Variants in IKZF1 observed in about 807,000 individuals in gnomAD.
IKZF1 encodes the protein DNA-binding protein Ikaros.
Under a neutral mutation model 51.7 loss-of-function variants are expected in IKZF1, and 10 were observed. The ratio of observed to expected loss-of-function variants is 0.19; its 90% CI spans 0.12 to 0.33. IKZF1 has a LOEUF of 0.33. IKZF1 is among the 10% of genes least tolerant of loss of function. The probability of loss-of-function intolerance (pLI) is 1.00; values close to 1 mark genes in which losing one functional copy is unlikely to be tolerated. For synonymous variants in IKZF1, 280 were observed against 282.3 expected (o/e 0.99, Z 0.08); for missense variants, 484 against 707.5 (o/e 0.68, Z 3.58).
chr7:50,374,810 A>C (rs1809754314), intron 3 of IKZF1, among the ~76,000 whole-genome samples: 2 of 152,222 alleles, frequency 1.3e-5, no homozygotes. Context: ...TAAATAGTGC[A>C]GCTAAGATTC....
intron 3 of IKZF1, among the ~76,000 whole-genome samples, chr7:50,370,165 T>G (rs1341057992): frequency 6.6e-6 from 1 of 152,214 alleles, no homozygotes; most frequent in Non-Finnish European, 1.5e-5. Context: ...CATTTCAAGC[T>G]TACATGGCCT....
At position 50,382,498 on chromosome 7, in the gene IKZF1, C is replaced by A. The variant is rs772748721; in HGVS notation, c.422-42C>A. ...TCGTAGCATCGTCCTCATGTCCCCA[C>A]GCTGAGTTTAGTTCTCACCAGCTCT... On this transcript the variant is annotated intron_variant, in intron 4 of 7. Transcript: ENST00000331340. The A allele has an allele frequency of 4.4e-6, 7 of 1,581,998 alleles. No homozygotes were observed. In the East Asian group the frequency reaches 1.4e-4, roughly 31 times the overall value.
At chr7:50,380,749 A>G (rs1811618414) in intron 4 of IKZF1, among the ~76,000 whole-genome samples, 2 of 152,182 alleles carry the variant, frequency 1.3e-5, no homozygotes, top group Non-Finnish European at 2.9e-5. Flanking sequence ...AGTTAAATGC[A>G]CACATTTATG....
chr7:50,395,462 T>C (rs1452821747), intron 7 of IKZF1, among the ~76,000 whole-genome samples: 1 of 152,216 alleles, frequency 6.6e-6, no homozygotes, highest in Non-Finnish European at 1.5e-5. Context: ...TTTTAATCCA[T>C]TTGTTTCAAT....
chr7:50,339,550 A>T (rs1584596427), intron 3 of IKZF1, among the ~76,000 whole-genome samples: 1 of 151,976 alleles, frequency 6.6e-6, no homozygotes, highest in African/African-American at 2.4e-5. Context: ...GGAGTTTGAG[A>T]CCAGCCTGGC....
chr7:50,309,097 T>C (rs1427091509), intron 1 of IKZF1, among the ~76,000 whole-genome samples: 2 of 152,222 alleles, frequency 1.3e-5, no homozygotes, highest in Non-Finnish European at 2.9e-5. Flanking sequence ...TGCTTTCGGA[T>C]GGCCCCATGC....
At chr7:50,316,308 A>G (rs778143108) in intron 1 of IKZF1, among the ~76,000 whole-genome samples, 8 of 152,198 alleles carry the variant, frequency 5.3e-5, no homozygotes, top group Non-Finnish European at 1.2e-4. Flanking sequence ...CCCCCAAGCA[A>G]CTGCACTCAT....
chr7:50,316,560 C>T (rs910043511), intron 1 of IKZF1, among the ~76,000 whole-genome samples: 1 of 152,228 alleles, frequency 6.6e-6, no homozygotes, highest in Non-Finnish European at 1.5e-5. Context: ...CTGCTGCCCA[C>T]CCCTAGCTCC....
chr7:50,400,455 A>G lies in IKZF1; in HGVS notation c.1388A>G (p.Lys463Arg), dbSNP rs760844665. ...STSGEQMKVY[K>R]CEHCRVLFLD... ...AGCGGGGAGCAGATGAAGGTGTACA[A>G]GTGCGAACACTGCCGGGTGCTCTTC... The change falls in exon 8 of 8, where the codon AAG (lysine) becomes AGG (arginine). Residue 463 changes from lysine (K) to arginine (R), a missense_variant. Around this residue, in one of 6 missense-constraint regions of IKZF1, gnomAD observed 42 missense variants for 84.4 expected, o/e 0.50. Transcript: ENST00000331340. This position sits in a 1 kb window ranked among gnomAD's most constrained non-coding sequence, Gnocchi z 5.4. 1.2e-6 allele frequency: 2 copies of G among 1,613,984 alleles called. No individual in the cohort carries two copies. Among genetic ancestry groups the G allele is most frequent in the Admixed American group, 1.7e-5 (1 of 60,028 alleles).
chr7:50,380,910 ATAGT>A (rs925870595), intron 4 of IKZF1, among the ~76,000 whole-genome samples: 7 of 152,196 alleles, frequency 4.6e-5, no homozygotes, highest in East Asian at 3.8e-4. Context: ...CTCAGACAGT[ATAGT>A]TAGTTAGTTT....
intron 3 of IKZF1, among the ~76,000 whole-genome samples, chr7:50,331,438 C>CAAAA (rs1188513813): frequency 1.4e-4 from 15 of 106,302 alleles, no homozygotes; most frequent in African/African-American, 5.0e-4. Flanking sequence ...CTAAAAGATG[C>CAAAA]AAAAAAAAAA....
At chr7:50,336,225 G>C (rs1445911066) in intron 3 of IKZF1, among the ~76,000 whole-genome samples, 3 of 152,172 alleles carry the variant, frequency 2.0e-5, no homozygotes, top group African/African-American at 7.2e-5. Flanking sequence ...GGAAGCACTG[G>C]GGGAGGAGGA....
At chr7:50,373,149 G>C (rs755135966) in intron 3 of IKZF1, among the ~76,000 whole-genome samples, 22 of 152,192 alleles carry the variant, frequency 1.4e-4, no homozygotes, top group Non-Finnish European at 3.1e-4. Context: ...CCATGCTTCT[G>C]TTTCCTTCCT....
At chr7:50,393,372 A>G in intron 7 of IKZF1, among the ~76,000 whole-genome samples, 1 of 152,144 alleles carries the variant, frequency 6.6e-6, no homozygotes, top group East Asian at 1.9e-4. Context: ...AGGTGGGGCC[A>G]GAACAGGGGC....
chr7:50,374,367 G>T (rs1809608191), intron 3 of IKZF1, among the ~76,000 whole-genome samples: 1 of 152,222 alleles, frequency 6.6e-6, no homozygotes, highest in South Asian at 2.1e-4. Context: ...CAGAACTGAT[G>T]CACTGCAGAT....
Position 50,405,088 on chromosome 7 carries a change from A to G in IKZF1, c.*4461A>G. ...AAAATAAAATGTCTTGGAGGTTATG[A>G]CTCCTTGGTGAAACCTTCTCACATT... On this transcript the variant is annotated 3_prime_UTR_variant, in exon 8 of 8. Coordinates refer to ENST00000331340, the MANE Select transcript of IKZF1 (RefSeq NM_006060.6). 1 of 187,114 alleles carries G rather than the reference A, an allele frequency of 5.3e-6. No individual in the cohort carries two copies. The highest frequency in any genetic ancestry group is 1.1e-5 in the Non-Finnish European group (1 of 88,660). The allele number at this position is 187,114 out of a possible 1,614,324, so 11.6% of individuals were successfully genotyped here. A position where few individuals can be genotyped will look rare whatever the true frequency, so the allele number is the denominator to read the frequency against.
intron 4 of IKZF1, among the ~76,000 whole-genome samples, chr7:50,378,121 T>C (rs899946998): frequency 6.6e-5 from 10 of 152,232 alleles, no homozygotes; most frequent in Admixed American, 6.5e-4. Context: ...GAAATGCAGA[T>C]ATTTGTGGGG....
intron 4 of IKZF1, among the ~76,000 whole-genome samples, chr7:50,379,378 C>T (rs148318908): frequency 1.1e-4 from 17 of 152,336 alleles, no homozygotes; most frequent in Admixed American, 9.1e-4. Context: ...GGGGCGGTCT[C>T]GCCTCTGCCC....
chr7:50,362,150 TGCTCTGGAAGGTA>T lies in IKZF1; in HGVS notation c.161-14378_161-14366del, dbSNP rs543692528. On this transcript the variant is annotated intron_variant, in intron 3 of 7. Coordinates refer to ENST00000331340, the MANE Select transcript of IKZF1 (RefSeq NM_006060.6). ...CTTCTGTCAAGTTCTCCAAATCATC[TGCTCTGGAAGGTA>T]GCTCCAACAGCTGGGATTTGAAGTA... 2.9e-3 allele frequency among the ~76,000 whole-genome samples: 438 copies of T among 152,360 alleles called. 2 individuals are homozygous for T. The highest frequency in any genetic ancestry group is 4.8e-3 in the Admixed American group (74 of 15,308).
Sources: gnomAD v4.1 joint callset for allele counts (sites outside exome capture counted in the v4.1 genomes callset) on GRCh38, gnomAD v4.1.1 for gene constraint, gnomAD v4.1.1 regional missense constraint, Gnocchi (gnomAD v3.1) non-coding constraint, MANE v1.5 for transcripts, NCBI Gene and HGNC (gene_info 2026-07-23, HGNC 2026-07-21) for gene names.